The following SLC67A1 variants were observed in gnomAD, a reference collection of about 807,000 sequenced individuals.
SLC67A1 encodes the protein solute carrier family 67 member 1.
the SLC67A1 span, among the ~76,000 whole-genome samples, chr11:2,907,067 GGAA>G: frequency 2.0e-5 from 3 of 152,044 alleles, no homozygotes; most frequent in East Asian, 3.9e-4. The surrounding 1 kb of genome is among the most constrained non-coding windows in gnomAD (Gnocchi z 6.7). Context: ...TGGAGCTGAA[GGAA>G]GAAGGAGTCT....
the SLC67A1 span, among the ~76,000 whole-genome samples, chr11:2,908,792 G>A: frequency 1.3e-5 from 2 of 152,198 alleles, no homozygotes; most frequent in Non-Finnish European, 2.9e-5. Flanking sequence ...GGTTCCGCAG[G>A]CAGCAGACCA....
chr11:2,914,318 G>A, the SLC67A1 span, among the ~76,000 whole-genome samples: 9 of 152,298 alleles, frequency 5.9e-5, no homozygotes, highest in East Asian at 7.7e-4. Context: ...GAGGTTGAGG[G>A]GGGCTGAGCA....
At chr11:2,919,361 C>G in the SLC67A1 span, 1 of 1,613,912 alleles carries the variant, frequency 6.2e-7, no homozygotes. Context: ...CAGCTGGAGG[C>G]CGCCCAAGCT....
the SLC67A1 span, chr11:2,908,156 T>G: frequency 1.7e-5 from 10 of 597,760 alleles, no homozygotes; most frequent in Non-Finnish European, 1.6e-5. Context: ...TCCCACCCCC[T>G]GCCCATCCAG....
At chr11:2,913,495 G>A in the SLC67A1 span, among the ~76,000 whole-genome samples, 21 of 152,242 alleles carry the variant, frequency 1.4e-4, no homozygotes, top group Non-Finnish European at 2.4e-4. Context: ...GGACTGGGAA[G>A]GGTCAGGCCA....
At chr11:2,924,173 C>T in the SLC67A1 span, among the ~76,000 whole-genome samples, 3 of 152,342 alleles carry the variant, frequency 2.0e-5, no homozygotes, top group South Asian at 2.1e-4. The surrounding 1 kb of genome is among the most constrained non-coding windows in gnomAD (Gnocchi z 8.6). Context: ...GTCCATGCTG[C>T]GGGTAGCTGG....
the SLC67A1 span, among the ~76,000 whole-genome samples, chr11:2,906,791 C>T: frequency 9.9e-5 from 15 of 151,442 alleles, no homozygotes; most frequent in Non-Finnish European, 2.1e-4. Flanking sequence ...GTGCAGCAAA[C>T]CAACATGGCA....
chr11:2,922,543 C>T, the SLC67A1 span: 3 of 1,612,630 alleles, frequency 1.9e-6, no homozygotes, highest in East Asian at 2.2e-5. Context: ...AGGCTGTCTC[C>T]ACCTCGGACA....
the SLC67A1 span, chr11:2,909,261 A>T: frequency 6.5e-7 from 1 of 1,536,882 alleles, no homozygotes; most frequent in South Asian, 1.2e-5. Context: ...TTGGCGCTCT[A>T]CCTGCTCCTG....
chr11:2,915,553 C>T, the SLC67A1 span, among the ~76,000 whole-genome samples: 44 of 152,350 alleles, frequency 2.9e-4, no homozygotes, highest in African/African-American at 9.4e-4. Context: ...CTGCGGTCTC[C>T]GCGCAGGGTC....
chr11:2,918,099 A>G, the SLC67A1 span: 1 of 1,609,200 alleles, frequency 6.2e-7, no homozygotes, highest in East Asian at 2.2e-5. Context: ...CCCACAGGTG[A>G]GTCCCAACTA....
At chr11:2,908,251 G>C in the SLC67A1 span, 12 of 1,613,888 alleles carry the variant, frequency 7.4e-6, no homozygotes, top group Non-Finnish European at 1.0e-5. Flanking sequence ...TCGGAAACTG[G>C]GCCTGGATTC....
chr11:2,903,502 C>A, the SLC67A1 span: 2,148 of 1,612,658 alleles, frequency 1.3e-3, 20 homozygotes, highest in African/African-American at 0.025. Context: ...GAGTAACACA[C>A]CCCAGCCCCT....
the SLC67A1 span, among the ~76,000 whole-genome samples, chr11:2,901,905 C>A: frequency 6.6e-6 from 1 of 152,246 alleles, no homozygotes; most frequent in Non-Finnish European, 1.5e-5. Flanking sequence ...TCTCTCCCCG[C>A]CCCTGCCTCC....
chr11:2,912,362 GC>G, the SLC67A1 span, among the ~76,000 whole-genome samples: 3 of 151,990 alleles, frequency 2.0e-5, no homozygotes, highest in African/African-American at 7.2e-5. Context: ...CAGCCCCCTG[GC>G]CCTCTTGGTC....
At chr11:2,913,704 C>T in the SLC67A1 span, among the ~76,000 whole-genome samples, 1 of 152,336 alleles carries the variant, frequency 6.6e-6, no homozygotes, top group African/African-American at 2.4e-5. Flanking sequence ...AGCTAGGTGT[C>T]CCACAAAGCC....
the SLC67A1 span, among the ~76,000 whole-genome samples, chr11:2,910,408 C>T: frequency 3.5e-4 from 54 of 152,232 alleles, no homozygotes; most frequent in African/African-American, 1.1e-3. Flanking sequence ...ACTGGGGGCT[C>T]GATGGATGGG....
At chr11:2,917,613 G>T in the SLC67A1 span, among the ~76,000 whole-genome samples, 1 of 152,226 alleles carries the variant, frequency 6.6e-6, no homozygotes, top group African/African-American at 2.4e-5. Context: ...GTCATGCTCT[G>T]CCCCAGGCCC....
the SLC67A1 span, chr11:2,918,802 ATCC>A: frequency 1.3e-5 from 2 of 155,418 alleles, no homozygotes; most frequent in Admixed American, 1.3e-4. Context: ...GGCTCAAGCA[ATCC>A]TCCTGTCTCA....
Sources: gnomAD v4.1 joint callset for allele counts (sites outside exome capture counted in the v4.1 genomes callset) on GRCh38, gnomAD v4.1.1 for gene constraint, Gnocchi (gnomAD v3.1) non-coding constraint, MANE v1.5 for transcripts, NCBI Gene and HGNC (gene_info 2026-07-23, HGNC 2026-07-21) for gene names.